RBMS1: variants seen among roughly 807,000 people sequenced by gnomAD.
The protein encoded by RBMS1 is RNA-binding motif, single-stranded-interacting protein 1.
A neutral mutation model predicts 62.3 loss-of-function variants in RBMS1; 17 were observed. That is an observed-to-expected ratio of 0.27 (90% confidence interval 0.19 to 0.41). RBMS1 has a LOEUF of 0.41. RBMS1 is among the 10% of genes least tolerant of loss of function. The pLI is 1.00. For missense variants in RBMS1, 334 were observed against 504.5 expected (o/e 0.66, Z 3.24); for synonymous variants, 172 against 170.0 (o/e 1.01, Z -0.09).
At chr2:160,299,556 A>G (rs1689108307) in intron 6 of RBMS1, among the ~76,000 whole-genome samples, 1 of 152,198 alleles carries the variant, frequency 6.6e-6, no homozygotes, top group Non-Finnish European at 1.5e-5. Flanking sequence ...CTGAAATTAT[A>G]GGAGAGCAAG....
intron 1 of RBMS1, among the ~76,000 whole-genome samples, chr2:160,386,679 G>A (rs1170673131): frequency 6.6e-6 from 1 of 152,064 alleles, no homozygotes; most frequent in Non-Finnish European, 1.5e-5. Flanking sequence ...AAATACAGCA[G>A]TCAGCAGTCT....
At chr2:160,336,267 T>C (rs995148615) in intron 2 of RBMS1, among the ~76,000 whole-genome samples, 2 of 152,150 alleles carry the variant, frequency 1.3e-5, no homozygotes, top group African/African-American at 2.4e-5. Flanking sequence ...TAAGAATGTA[T>C]ACAAACACTC....
At chr2:160,295,072 A>C (rs1309875513) in intron 6 of RBMS1, among the ~76,000 whole-genome samples, 1 of 152,176 alleles carries the variant, frequency 6.6e-6, no homozygotes, top group Non-Finnish European at 1.5e-5. Context: ...ACTCTTTCAC[A>C]TTCTTTGTGG....
rs146123979 is a variant in RBMS1, at chr2:160,407,234, T to TCCTGCC, written c.76-39849_76-39844dup. 1.8e-3 allele frequency among the ~76,000 whole-genome samples: 274 copies of TCCTGCC among 152,184 alleles called. 1 individual carries two copies. The highest frequency in any genetic ancestry group is 6.2e-3 in the African/African-American group (258 of 41,544). On this transcript the variant is annotated intron_variant, in intron 1 of 13. Coordinates refer to ENST00000348849, the MANE Select transcript of RBMS1 (RefSeq NM_016836.4). ...GCTTCTGCCCTCGCCGGCTCTCCGC[T>TCCTGCC]CCTGCCCCTGCCCCTTCCTCCACTT...
intron 2 of RBMS1, among the ~76,000 whole-genome samples, chr2:160,334,169 T>A (rs866583323): frequency 6.6e-6 from 1 of 152,114 alleles, no homozygotes; most frequent in African/African-American, 2.4e-5. Context: ...TGACACAACA[T>A]TATGTAAGGA....
Position 160,285,018 on chromosome 2 carries a change from T to G in RBMS1, c.783A>C (p.Pro261=). 6.2e-7 allele frequency: 1 copy of G among 1,613,414 alleles called. No individual in the cohort carries two copies. The highest frequency in any genetic ancestry group is 1.3e-5 in the African/African-American group (1 of 75,050). ...RLAGMTLTYD[P]TTAAIQNGFY... The stretch of plus-strand genomic sequence containing the variant: ...ACCCGTTCTGTATAGCAGCTGTAGT[T>G]GGGTCGTAAGTAAGTGTCATTCCAG... The change falls in exon 8 of 14, where the codon CCA becomes CCC. Residue 261 remains proline, a synonymous_variant. Transcript: ENST00000348849.
intron 2 of RBMS1, among the ~76,000 whole-genome samples, chr2:160,327,362 A>G (rs938148617): frequency 6.6e-6 from 1 of 152,220 alleles, no homozygotes; most frequent in Non-Finnish European, 1.5e-5. Flanking sequence ...TGTTTACTGT[A>G]TGTATAACTT....
intron 1 of RBMS1, among the ~76,000 whole-genome samples, chr2:160,476,762 G>C (rs1307522158): frequency 2.6e-5 from 4 of 151,546 alleles, no homozygotes; most frequent in Admixed American, 1.3e-4. Context: ...CACCGTTTTA[G>C]CCGGGATGGT....
intron 1 of RBMS1, among the ~76,000 whole-genome samples, chr2:160,450,563 T>TAAAAAAAAAAA (rs71006605): frequency 1.1e-4 from 14 of 122,388 alleles, no homozygotes; most frequent in Non-Finnish European, 2.1e-4. Context: ...AAATAAAAAA[T>TAAAAAAAAAAA]GAAAAAAAAA....
rs1553505448 is a variant in RBMS1, at chr2:160,311,238, A to ATATATATATATC, written c.402+1917_402+1918insGATATATATATA. On this transcript the variant is annotated intron_variant, in intron 4 of 13. Coordinates refer to ENST00000348849, the MANE Select transcript of RBMS1 (RefSeq NM_016836.4). ...TATCTATCTATCTATCTATCTATATATATATATATATATATATATAGTCTG... is the reference window on the plus strand; with the variant it reads ...TATCTATCTATCTATCTATCTATATATATATATATATCTATATATATATATATATATAGTCTG... 8.4e-3 allele frequency among the ~76,000 whole-genome samples: 1,003 copies of ATATATATATATC among 119,222 alleles called. 62 individuals carry two copies. The highest frequency in any genetic ancestry group is 0.014 in the Non-Finnish European group (769 of 54,346). 78.2% of individuals were successfully genotyped at this position (119,222 alleles called of 152,430 possible).
intron 1 of RBMS1, among the ~76,000 whole-genome samples, chr2:160,400,252 T>C (rs1336118010): frequency 2.0e-5 from 3 of 151,874 alleles, no homozygotes; most frequent in African/African-American, 4.8e-5. Context: ...CACCTCCCAC[T>C]GCACGGCCCT....
At chr2:160,396,714 G>A (rs1323604148) in intron 1 of RBMS1, among the ~76,000 whole-genome samples, 1 of 151,884 alleles carries the variant, frequency 6.6e-6, no homozygotes, top group Non-Finnish European at 1.5e-5. Context: ...ACAGGCAGGC[G>A]CCACCAAGCC....
At chr2:160,407,842 C>T (rs901311585) in intron 1 of RBMS1, 4 of 981,198 alleles carry the variant, frequency 4.1e-6, no homozygotes. Context: ...CCGACTCTCC[C>T]GGCGGCAGCG....
chr2:160,464,241 C>G (rs1416785875), intron 1 of RBMS1, among the ~76,000 whole-genome samples: 2 of 152,134 alleles, frequency 1.3e-5, no homozygotes, highest in Non-Finnish European at 2.9e-5. Context: ...AAACCAGCAA[C>G]AGCTTACATC....
At chr2:160,471,525 GGA>G (rs1684909013) in intron 1 of RBMS1, among the ~76,000 whole-genome samples, 1 of 151,034 alleles carries the variant, frequency 6.6e-6, no homozygotes, top group Non-Finnish European at 1.5e-5. Context: ...ATATTTTTGG[GGA>G]GAGAGAAGCA....
At chr2:160,457,926 A>C (rs936379539) in intron 1 of RBMS1, among the ~76,000 whole-genome samples, 5 of 149,934 alleles carry the variant, frequency 3.3e-5, no homozygotes, top group Admixed American at 6.7e-5. Context: ...CTCATTTTTA[A>C]AATTTATTTT....
intron 6 of RBMS1, 37 bp downstream of exon 6, chr2:160,300,614 A>G: frequency 1.3e-6 from 2 of 1,567,444 alleles, no homozygotes; most frequent in Middle Eastern, 2.0e-4. Context: ...TACATCATAT[A>G]GAAGACTACT....
At chr2:160,300,582 C>A in intron 6 of RBMS1, 69 bp downstream of exon 6, 1 of 1,485,128 alleles carries the variant, frequency 6.7e-7, no homozygotes, top group South Asian at 1.5e-5. Flanking sequence ...ATTGAAGAGT[C>A]ATCATGTGCT....
rs767693560 is a variant in RBMS1 at position 160,284,881 on chromosome 2, C to A, written c.807-13G>T. 20 of 1,585,034 alleles carry A rather than the reference C, an allele frequency of 1.3e-5. No individual in the cohort carries two copies. The highest frequency in any genetic ancestry group is 1.7e-5 in the Non-Finnish European group (20 of 1,155,422). ...TGAAGGATAAAATCTAGAACAAACA[C>A]AAAAGCCTTTATTAAGTAATCCTTT... On this transcript the variant is annotated splice_polypyrimidine_tract_variant and intron_variant, in intron 8 of 13. Coordinates refer to ENST00000348849, the MANE Select transcript of RBMS1 (RefSeq NM_016836.4).
Sources: gnomAD v4.1 joint callset for allele counts (sites outside exome capture counted in the v4.1 genomes callset) on GRCh38, gnomAD v4.1.1 for gene constraint, MANE v1.5 for transcripts, NCBI Gene and HGNC (gene_info 2026-07-23, HGNC 2026-07-21) for gene names.